NPAS3: variants seen among roughly 807,000 people sequenced by gnomAD.
The protein encoded by NPAS3 is neuronal PAS domain protein 3.
Under a neutral mutation model 73.1 loss-of-function variants are expected in NPAS3, and 14 were observed. The ratio of observed to expected loss-of-function variants is 0.19; its 90% CI spans 0.13 to 0.30. The LOEUF (loss-of-function observed/expected upper bound fraction) is 0.30. Ranked by LOEUF, NPAS3 falls within the 10% of genes least tolerant of loss-of-function variation. The pLI, the probability that NPAS3 is intolerant of heterozygous loss-of-function variation, is 1.00. For synonymous variants in NPAS3, 620 were observed against 541.5 expected (o/e 1.14, Z -2.01); for missense variants, 1,096 against 1,250.0 (o/e 0.88, Z 1.86).
chr14:33,684,451 C>A lies in NPAS3; in HGVS notation c.733+8066C>A, dbSNP rs114948666. Among the ~76,000 whole-genome samples, 1,457 of 152,086 alleles carry A rather than the reference C, an allele frequency of 9.6e-3. 20 individuals carry two copies. Among genetic ancestry groups the A allele is most frequent in the African/African-American group, 0.033 (1,386 of 41,492 alleles). ...CTCAGCCTTCCAAGTAGCTGGGACT[C>A]TAGGTGCACACCACCACACCTAGAT... On this transcript the variant is annotated intron_variant, in intron 6 of 11. Coordinates refer to ENST00000356141, the Ensembl canonical transcript of NPAS3.
chr14:33,675,813 A>T lies in NPAS3; in HGVS notation c.559-398A>T, dbSNP rs139997787. 6.2e-3 allele frequency among the ~76,000 whole-genome samples: 945 copies of T among 152,318 alleles called. 9 individuals carry two copies. Among genetic ancestry groups the T allele is most frequent in the African/African-American group, 0.022 (907 of 41,568 alleles). The stretch of plus-strand genomic sequence containing the variant: ...TCTGGCTGTTTCTATAGCTGTTCCT[A>T]TCCAAAACCCAAACTTCTCAATAAG... On this transcript the variant is annotated intron_variant, in intron 5 of 11. Transcript: ENST00000356141.
intron 5 of NPAS3, among the ~76,000 whole-genome samples, chr14:33,607,951 G>C (rs188892526): frequency 5.2e-4 from 79 of 152,162 alleles, no homozygotes; most frequent in Non-Finnish European, 1.0e-3. Context: ...GGAATAGCGT[G>C]GGGGAAGCTG....
At chr14:33,383,783 T>A (rs1366760815) in intron 4 of NPAS3, among the ~76,000 whole-genome samples, 1 of 152,164 alleles carries the variant, frequency 6.6e-6, no homozygotes, top group Non-Finnish European at 1.5e-5. Context: ...CTTCTAACAT[T>A]TCTAGTGAAT....
At chr14:33,173,584 T>C (rs1484167137) in intron 2 of NPAS3, among the ~76,000 whole-genome samples, 1 of 152,218 alleles carries the variant, frequency 6.6e-6, no homozygotes, top group Admixed American at 6.5e-5. Flanking sequence ...TGATTCAGGT[T>C]TGTTTCAAGA....
chr14:33,795,466 C>T (rs1273058009), intron 10 of NPAS3, among the ~76,000 whole-genome samples: 2 of 152,176 alleles, frequency 1.3e-5, no homozygotes, highest in African/African-American at 4.8e-5. Context: ...GTTATAAAAA[C>T]TCACATGCCA....
intron 6 of NPAS3, among the ~76,000 whole-genome samples, chr14:33,679,863 C>T (rs1013605536): frequency 5.3e-5 from 8 of 152,222 alleles, no homozygotes; most frequent in Admixed American, 4.6e-4. Flanking sequence ...ATTGATTGTA[C>T]AGCAAACCCA....
At chr14:33,390,010 ATTCTTC>A (rs2046933620) in intron 4 of NPAS3, among the ~76,000 whole-genome samples, 1 of 150,756 alleles carries the variant, frequency 6.6e-6, no homozygotes, top group Non-Finnish European at 1.5e-5. Flanking sequence ...AAAGAATTTT[ATTCTTC>A]AGATGTCATC....
intron 5 of NPAS3, among the ~76,000 whole-genome samples, chr14:33,580,344 A>G (rs1439964059): frequency 6.6e-6 from 1 of 152,232 alleles, no homozygotes; most frequent in Non-Finnish European, 1.5e-5. Flanking sequence ...TTAGTAAAAA[A>G]AAATCATTGT....
At chr14:33,628,948 C>A (rs1259756233) in intron 5 of NPAS3, among the ~76,000 whole-genome samples, 2 of 152,128 alleles carry the variant, frequency 1.3e-5, no homozygotes. Flanking sequence ...CCAGGTGGAG[C>A]GGGCCGGGCG....
At chr14:33,003,843 T>C (rs1376390781) in intron 1 of NPAS3, among the ~76,000 whole-genome samples, 1 of 152,208 alleles carries the variant, frequency 6.6e-6, no homozygotes, top group African/African-American at 2.4e-5. Flanking sequence ...GATATTCTAG[T>C]CTTTTAAAGT....
intron 9 of NPAS3, among the ~76,000 whole-genome samples, chr14:33,791,280 C>T (rs1178262604): frequency 4.6e-5 from 7 of 152,196 alleles, no homozygotes; most frequent in African/African-American, 1.7e-4. Context: ...TGAGCCATTC[C>T]CTTCCCCTTC....
chr14:33,525,140 T>TA (rs1331339020), intron 4 of NPAS3, among the ~76,000 whole-genome samples: 1 of 152,124 alleles, frequency 6.6e-6, no homozygotes, highest in East Asian at 1.9e-4. Flanking sequence ...AAAAATGTTC[T>TA]AAAAAAGGGG....
intron 2 of NPAS3, among the ~76,000 whole-genome samples, chr14:33,150,907 C>A (rs1270107269): frequency 2.0e-5 from 3 of 152,200 alleles, no homozygotes; most frequent in African/African-American, 7.2e-5. Context: ...CACTCACAAC[C>A]AGATAGGATT....
chr14:32,956,790 A>G (rs2036687847), intron 1 of NPAS3, among the ~76,000 whole-genome samples: 1 of 152,184 alleles, frequency 6.6e-6, no homozygotes, highest in Admixed American at 6.5e-5. Flanking sequence ...CAAAACCCAA[A>G]TCACTTTTGA....
intron 4 of NPAS3, among the ~76,000 whole-genome samples, chr14:33,376,207 T>C (rs2046306395): frequency 6.6e-6 from 1 of 152,142 alleles, no homozygotes; most frequent in Non-Finnish European, 1.5e-5. Context: ...TAATTTCTTA[T>C]TCAAAATTAA....
At chr14:33,799,653 G>A in intron 11 of NPAS3, 81 bp from the exon 12 acceptor site, 1 of 1,493,624 alleles carries the variant, frequency 6.7e-7, no homozygotes, top group Non-Finnish European at 9.0e-7. Context: ...GCAGGTGACA[G>A]GCTGGGTCGC....
chr14:33,544,893 T>A (rs1193374507), intron 4 of NPAS3, among the ~76,000 whole-genome samples: 2 of 144,164 alleles, frequency 1.4e-5, no homozygotes, highest in Non-Finnish European at 3.0e-5. Flanking sequence ...ATGTATATAT[T>A]GTGGTATGTG....
chr14:33,127,356 A>G (rs1013840347), intron 2 of NPAS3, among the ~76,000 whole-genome samples: 1 of 152,110 alleles, frequency 6.6e-6, no homozygotes, highest in Non-Finnish European at 1.5e-5. Context: ...ATTTGGCCAG[A>G]TGATTTTTCT....
At chr14:33,245,924 G>GTT (rs5807708) in intron 3 of NPAS3, among the ~76,000 whole-genome samples, 59 of 146,340 alleles carry the variant, frequency 4.0e-4, no homozygotes, top group Non-Finnish European at 7.4e-4. Context: ...AGCAATAGGT[G>GTT]TTTTTTTTTT....
Sources: allele counts gnomAD v4.1 joint callset (sites outside exome capture counted in the v4.1 genomes callset), GRCh38; gene constraint gnomAD v4.1.1; transcripts MANE v1.5; gene names NCBI Gene and HGNC (gene_info 2026-07-23, HGNC 2026-07-21).